The following RGL4 variants were observed in gnomAD, a reference collection of about 807,000 sequenced individuals.
RGL4 encodes ral-GDS-related protein.
RGL4 carries 41 observed loss-of-function variants against 49.6 expected under a neutral mutation model. The ratio of observed to expected loss-of-function variants is 0.83; its 90% confidence interval spans 0.64 to 1.07. RGL4 has a LOEUF of 1.07. RGL4 is among the 50% of genes least tolerant of loss of function. RGL4 has a pLI of 0.00. For missense variants in RGL4, 610 were observed against 591.9 expected (o/e 1.03, Z -0.32); for synonymous variants, 255 against 238.0 (o/e 1.07, Z -0.66).
chr22:23,693,121 G>C (rs1165261216), intron 3 of RGL4, 130 bp downstream of exon 3: 2 of 1,419,852 alleles, frequency 1.4e-6, no homozygotes, highest in East Asian at 2.5e-5. Flanking sequence ...ATCTGGATGA[G>C]TTTCCTCACC....
intron 5 of RGL4, 22 bp from the exon 6 acceptor site, chr22:23,694,925 CCTT>C (rs1569119604): frequency 1.9e-6 from 3 of 1,593,162 alleles, no homozygotes; most frequent in Non-Finnish European, 2.6e-6. Context: ...CCAAATTTAC[CCTT>C]CTTTCTTTCC....
At chr22:23,693,118 T>C (rs1451444519) in intron 3 of RGL4, 127 bp downstream of exon 3, 1 of 1,426,440 alleles carries the variant, frequency 7.0e-7, no homozygotes, top group South Asian at 1.5e-5. Context: ...GGGATCTGGA[T>C]GAGTTTCCTC....
intron 6 of RGL4, 116 bp from the exon 7 acceptor site, chr22:23,696,498 T>A: frequency 6.4e-7 from 1 of 1,572,070 alleles, no homozygotes; most frequent in Non-Finnish European, 8.6e-7. Context: ...GCCAGTGGTA[T>A]GAGCACGGTG....
chr22:23,694,922 T>A, intron 5 of RGL4, 28 bp from the exon 6 acceptor site: 1 of 1,587,580 alleles, frequency 6.3e-7, no homozygotes, highest in Non-Finnish European at 8.6e-7. Flanking sequence ...TTCCCAAATT[T>A]ACCCTTCTTT....
chr22:23,698,959 CA>C lies in RGL4; in HGVS notation c.*77del. 1 of 1,581,856 alleles carries C rather than the reference CA, an allele frequency of 6.3e-7. No homozygotes were observed. The highest frequency in any genetic ancestry group is 8.6e-7 in the Non-Finnish European group (1 of 1,163,682). On this transcript the variant is annotated 3_prime_UTR_variant, in exon 11 of 11. Transcript: ENST00000290691. ...CACCGGCTCTGCACCATCCCTCACC[CA>C]GACCGTAGACACCAGGGAACCACAT...
rs372155691 is a variant in RGL4, at chr22:23,698,937, C to T, written c.*54C>T. ...CCCACCGGGATGCTGGCCAGAACAC[C>T]GGCTCTGCACCATCCCTCACCCAGA... On this transcript the variant is annotated 3_prime_UTR_variant, in exon 11 of 11. Transcript: ENST00000290691. 8.8e-6 allele frequency: 14 copies of T among 1,597,976 alleles called. No individual in the cohort carries two copies. The highest frequency in any genetic ancestry group is 5.4e-5 in the African/African-American group (4 of 74,738).
At chr22:23,694,212 C>G (rs920599937) in intron 4 of RGL4, 135 bp from the exon 5 acceptor site, 6 of 764,964 alleles carry the variant, frequency 7.8e-6, no homozygotes, top group African/African-American at 3.5e-5. Flanking sequence ...GACATCCACT[C>G]GGCCCCAGGT....
chr22:23,696,402 T>G, intron 6 of RGL4: 5 of 1,509,320 alleles, frequency 3.3e-6, no homozygotes, highest in Non-Finnish European at 3.6e-6. Flanking sequence ...TAGCTGTGGT[T>G]TGCATCACTC....
Position 23,691,318 on chromosome 22 carries a change from G to A in RGL4, c.-713G>A, listed in dbSNP as rs1923124879. 1.3e-5 allele frequency: 2 copies of A among 152,136 alleles called. No homozygotes were observed. Among genetic ancestry groups the A allele is most frequent in the Non-Finnish European group, 2.9e-5 (2 of 68,030 alleles). 9.4% of individuals were successfully genotyped at this position (152,136 alleles called of 1,614,324 possible). On this transcript the variant is annotated 5_prime_UTR_variant, in exon 1 of 11. An upstream open reading frame in the 5' UTR gains an earlier in-frame stop. Transcript: ENST00000290691. ...AGGATGTCTGAGATTCCTTCTGGCT[G>A]GTCTTTCTCCTTGACACAGACAGAA...
chr22:23,693,953 G>C lies in RGL4; in HGVS notation c.891G>C (p.Glu297Asp). 6.2e-7 allele frequency: 1 copy of C among 1,613,758 alleles called. No individual in the cohort carries two copies. Among genetic ancestry groups the C allele is most frequent in the East Asian group, 2.2e-5 (1 of 44,882 alleles). The change falls in exon 4 of 11, where the codon GAG becomes GAC. Residue 297 changes from glutamate (E) to aspartate (D), a missense_variant. Transcript: ENST00000290691. ...MRARDRARVV[E>D]HWIKVARECL... ...CCCGGGACAGGGCCAGGGTGGTGGA[G>C]CACTGGATCAAGGTGGCCAGGGTAA...
rs1170400596 is a variant in RGL4 at position 23,698,847 on chromosome 22, C to T, written c.1386C>T (p.Tyr462=). Residue 462 remains tyrosine, a synonymous_variant, in exon 11 of 11, where the codon TAC becomes TAT. Coordinates refer to ENST00000290691, the MANE Select transcript of RGL4 (RefSeq NM_153615.2). The stretch of plus-strand genomic sequence containing the variant: ...CAGCTGCTTCTCTGTCCTGCAGCTA[C>T]AAGCTGTCCTGCCAGCTGGAGCCCG... ...RMEQLSDKES[Y]KLSCQLEPEN... 1 of 1,609,864 alleles carries T rather than the reference C, an allele frequency of 6.2e-7. No homozygotes were observed. The highest frequency in any genetic ancestry group is 1.1e-5 in the South Asian group (1 of 90,530).
chr22:23,695,080 T>C (rs1923396838), intron 6 of RGL4, 61 bp downstream of exon 6: 1 of 1,261,168 alleles, frequency 7.9e-7, no homozygotes, highest in African/African-American at 1.5e-5. Context: ...AGAGTGAGTT[T>C]GGAAGGGCAT....
At position 23,697,199 on chromosome 22, in the gene RGL4, T is replaced by C; in HGVS notation, c.1190T>C (p.Leu397Pro). ...KGVVPFLGDF[L>P]TELQRLDSAI... Reference sequence around the variant, plus strand: ...GTGGTCCCCTTCCTGGGGGATTTTCTGACTGAGTTACAGAGGCTGGATTCG... The same window carrying C: ...GTGGTCCCCTTCCTGGGGGATTTTCCGACTGAGTTACAGAGGCTGGATTCG... Residue 397 changes from leucine to proline, a missense_variant, in exon 8 of 11, where the codon CTG becomes CCG. By Grantham distance (98) the Leu-to-Pro change is moderately conservative. Transcript: ENST00000290691. The C allele has an allele frequency of 6.2e-7, 1 of 1,613,538 alleles. No homozygotes were observed. The highest frequency in any genetic ancestry group is 8.5e-7 in the Non-Finnish European group (1 of 1,179,656).
intron 3 of RGL4, 37 bp from the exon 4 acceptor site, chr22:23,693,722 T>A: frequency 6.6e-7 from 1 of 1,523,756 alleles, no homozygotes; most frequent in Non-Finnish European, 9.1e-7. Flanking sequence ...TGAGCTGCAG[T>A]GTGCTGTGTC....
chr22:23,697,208 TAC>T lies in RGL4; in HGVS notation c.1201_1202del (p.Gln401GlufsTer43), dbSNP rs1320134819. ...TTCCTGGGGGATTTTCTGACTGAGT[TAC>T]AGAGGCTGGATTCGGCCATCCCGGA... On this transcript the variant is annotated frameshift_variant, in exon 8 of 11. Transcript: ENST00000290691. LOFTEE classifies it high-confidence loss of function. 3 of 1,613,588 alleles carry T rather than the reference TAC, an allele frequency of 1.9e-6. No individual in the cohort carries two copies. Among genetic ancestry groups the T allele is most frequent in the Admixed American group, 3.3e-5 (2 of 59,950 alleles).
chr22:23,697,047 T>G (rs1473788587), intron 7 of RGL4, 124 bp from the exon 8 acceptor site: 1 of 765,150 alleles, frequency 1.3e-6, no homozygotes, highest in South Asian at 1.7e-5. Context: ...CCGGGAGACC[T>G]GAGGAGGGGG....
intron 6 of RGL4, 164 bp from the exon 7 acceptor site, chr22:23,696,450 G>A (rs773697026): frequency 3.1e-5 from 48 of 1,541,114 alleles, no homozygotes; most frequent in Non-Finnish European, 4.0e-5. Flanking sequence ...AGGCCCGGCT[G>A]CAAGACTGGG....
chr22:23,692,629 T>A, intron 2 of RGL4, 40 bp from the exon 3 acceptor site: 2 of 1,571,942 alleles, frequency 1.3e-6, no homozygotes, highest in Non-Finnish European at 1.7e-6. Flanking sequence ...GAAAACCCAG[T>A]GAAAAATGAC....
chr22:23,695,503 G>A (rs972472199), intron 6 of RGL4: 2 of 533,076 alleles, frequency 3.8e-6, no homozygotes, highest in South Asian at 1.5e-5. Context: ...CATGGGCAGG[G>A]GGCCTTGGCC....
Sources: gnomAD v4.1 joint callset for allele counts on GRCh38, gnomAD v4.1.1 for gene constraint, MANE v1.5 for transcripts, NCBI Gene and HGNC (gene_info 2026-07-23, HGNC 2026-07-21) for gene names.